The following TMPRSS15 variants were observed in gnomAD, a reference collection of about 807,000 sequenced individuals.
The protein encoded by TMPRSS15 is enteropeptidase.
Under a neutral mutation model 125.3 loss-of-function variants are expected in TMPRSS15, and 128 were observed. The observed-to-expected ratio is 1.02, with a 90% CI of 0.89 to 1.18. The LOEUF (loss-of-function observed/expected upper bound fraction) is 1.18, where lower values mean the gene tolerates loss of function less well. Among genes scored for constraint, TMPRSS15 ranks in the 50% most tolerant of loss-of-function variants. The pLI, the probability that TMPRSS15 is intolerant of heterozygous loss-of-function variation, is 0.00. For missense variants in TMPRSS15, 1,283 were observed against 1,212.7 expected (o/e 1.06, Z -0.86); for synonymous variants, 446 against 423.2 (o/e 1.05, Z -0.66).
At chr21:18,456,247 T>C (rs1470858617) in intron 1 of TMPRSS15, among the ~76,000 whole-genome samples, 1 of 152,140 alleles carries the variant, frequency 6.6e-6, no homozygotes, top group Admixed American at 6.5e-5. Context: ...CTTTAGGAGA[T>C]TCCTTAGAAC....
intron 1 of TMPRSS15, among the ~76,000 whole-genome samples, chr21:18,462,603 G>A (rs2122910899): frequency 0.62 from 93,974 of 151,896 alleles, 31,297 homozygotes; most frequent in East Asian, 0.93. Context: ...TTTATTAAAA[G>A]TATTTTTAAG....
rs767804740 is a variant in TMPRSS15 at position 18,326,495 on chromosome 21, C to G, written c.1858G>C (p.Asp620His). 5.0e-5 allele frequency: 80 copies of G among 1,614,012 alleles called. No homozygotes were observed. Among genetic ancestry groups the G allele is most frequent in the Non-Finnish European group, 6.7e-5 (79 of 1,179,998 alleles). Residue 620 changes from aspartate to histidine, a missense_variant, in exon 16 of 25, where the codon GAT becomes CAT. Transcript: ENST00000284885. ...TTAAACCCTCCTCTTGCCAACACAT[C>G]GTTAGTGATGAGAAGCACAGTCATT... is the stretch of plus-strand genomic sequence containing the variant. The part of the protein sequence containing the change: ...NRMTVLLITN[D>H]VLARGGFKAN...
intron 1 of TMPRSS15, among the ~76,000 whole-genome samples, chr21:18,437,179 CA>C (rs1192958780): frequency 6.6e-6 from 1 of 150,460 alleles, no homozygotes; most frequent in African/African-American, 2.4e-5. Flanking sequence ...CGCATATCTA[CA>C]ACTATCTGAT....
At chr21:18,457,961 C>T (rs2123268837) in intron 1 of TMPRSS15, among the ~76,000 whole-genome samples, 1 of 152,250 alleles carries the variant, frequency 6.6e-6, no homozygotes, top group East Asian at 1.9e-4. Flanking sequence ...TCATCTCCAT[C>T]CGTTGTTATA....
At chr21:18,450,232 A>G (rs2076264808) in intron 1 of TMPRSS15, among the ~76,000 whole-genome samples, 1 of 152,112 alleles carries the variant, frequency 6.6e-6, no homozygotes, top group Admixed American at 6.6e-5. Flanking sequence ...ATTATTCCAG[A>G]TGAAGTAGCA....
intron 1 of TMPRSS15, among the ~76,000 whole-genome samples, chr21:18,456,263 C>T (rs1978438386): frequency 6.6e-6 from 1 of 152,084 alleles, no homozygotes. Flanking sequence ...AGAACTTCAG[C>T]CTTCATTTAC....
At chr21:18,480,596 G>A (rs968116045) in intron 1 of TMPRSS15, among the ~76,000 whole-genome samples, 1 of 151,778 alleles carries the variant, frequency 6.6e-6, no homozygotes, top group Non-Finnish European at 1.5e-5. Context: ...GAGTTCTTTT[G>A]TCAGGGTGCT....
At chr21:18,480,127 C>T (rs144470116) in intron 1 of TMPRSS15, among the ~76,000 whole-genome samples, 117 of 152,090 alleles carry the variant, frequency 7.7e-4, no homozygotes, top group African/African-American at 2.7e-3. Flanking sequence ...TCTCAGCAAA[C>T]CAACACAGGA....
rs549039186 is a variant in TMPRSS15 at position 18,373,440 on chromosome 21, A to T, written c.533-1116T>A. 1.5e-3 allele frequency among the ~76,000 whole-genome samples: 229 copies of T among 152,184 alleles called. 1 individual carries two copies. Among genetic ancestry groups the T allele is most frequent in the Non-Finnish European group, 2.9e-3 (196 of 67,984 alleles). ...ATGATAGAGTACTCCCATGTAGGAG[A>T]ATAATAAATAATAATAAAAATATTA... On this transcript the variant is annotated intron_variant, in intron 5 of 24. Transcript: ENST00000284885.
intron 1 of TMPRSS15, among the ~76,000 whole-genome samples, chr21:18,416,630 T>G (rs1053740869): frequency 2.6e-5 from 4 of 152,056 alleles, no homozygotes; most frequent in African/African-American, 9.7e-5. Flanking sequence ...TTCTAATACT[T>G]AGCCAAAATG....
chr21:18,308,395 A>ACT (rs1195346087), intron 18 of TMPRSS15, among the ~76,000 whole-genome samples: 1 of 151,838 alleles, frequency 6.6e-6, no homozygotes, highest in Non-Finnish European at 1.5e-5. Flanking sequence ...ACACACACAC[A>ACT]CACACACACA....
At chr21:18,270,671 A>ATAAT (rs1164876588) in intron 24 of TMPRSS15, among the ~76,000 whole-genome samples, 1 of 152,188 alleles carries the variant, frequency 6.6e-6, no homozygotes, top group Non-Finnish European at 1.5e-5. Context: ...AGTCTGTGAT[A>ATAAT]TAATTTTTAG....
At chr21:18,433,393 T>C (rs2076220508) in intron 1 of TMPRSS15, among the ~76,000 whole-genome samples, 1 of 152,028 alleles carries the variant, frequency 6.6e-6, no homozygotes, top group Non-Finnish European at 1.5e-5. Context: ...TCATTTATCT[T>C]AAAAATAACA....
intron 6 of TMPRSS15, among the ~76,000 whole-genome samples, chr21:18,367,161 A>T (rs973372582): frequency 2.0e-5 from 3 of 152,124 alleles, no homozygotes; most frequent in Admixed American, 2.0e-4. Flanking sequence ...CCAGAAGAAA[A>T]AAAGAACGAA....
intron 1 of TMPRSS15, among the ~76,000 whole-genome samples, chr21:18,446,904 A>G (rs201471481): frequency 3.0e-5 from 1 of 32,834 alleles, no homozygotes; most frequent in Admixed American, 3.9e-4. Context: ...ATATAACCCC[A>G]AAAAACATAG....
intron 21 of TMPRSS15, among the ~76,000 whole-genome samples, chr21:18,284,760 G>A (rs961749056): frequency 6.6e-6 from 1 of 152,044 alleles, no homozygotes; most frequent in Non-Finnish European, 1.5e-5. Context: ...ATTTACTTTC[G>A]GAGGCCGAGG....
intron 18 of TMPRSS15, among the ~76,000 whole-genome samples, chr21:18,303,496 G>A (rs779258938): frequency 3.9e-5 from 6 of 152,234 alleles, no homozygotes; most frequent in Admixed American, 3.9e-4. Context: ...TACAAGTTGA[G>A]CAGTTGGAAG....
intron 8 of TMPRSS15, among the ~76,000 whole-genome samples, chr21:18,354,283 A>T (rs1180424766): frequency 6.6e-6 from 1 of 151,812 alleles, no homozygotes; most frequent in Non-Finnish European, 1.5e-5. Flanking sequence ...AAAATAACAG[A>T]AACAAAAGAG....
At chr21:18,387,404 T>A (rs2075953198) in intron 3 of TMPRSS15, among the ~76,000 whole-genome samples, 1 of 152,178 alleles carries the variant, frequency 6.6e-6, no homozygotes. Flanking sequence ...TAAACAAGTC[T>A]TTCCTTTCCT....
Sources: allele counts gnomAD v4.1 joint callset (sites outside exome capture counted in the v4.1 genomes callset), GRCh38; gene constraint gnomAD v4.1.1; transcripts MANE v1.5; gene names NCBI Gene and HGNC (gene_info 2026-07-23, HGNC 2026-07-21).